KATNIP: variants seen among roughly 807,000 people sequenced by gnomAD.
KATNIP encodes katanin interacting protein.
In KATNIP, 126 loss-of-function variants were observed where a neutral mutation model predicts 174.0. The observed-to-expected ratio is 0.72, with a 90% CI of 0.63 to 0.84. The LOEUF (loss-of-function observed/expected upper bound fraction) is 0.84, where lower values mean the gene tolerates loss of function less well. KATNIP is among the 40% of genes least tolerant of loss of function. KATNIP has a pLI of 0.00. For missense variants in KATNIP, 1,958 were observed against 2,109.7 expected (o/e 0.93, Z 1.41); for synonymous variants, 810 against 835.7 (o/e 0.97, Z 0.53).
chr16:27,620,933 T>C (rs2076176274), intron 3 of KATNIP, among the ~76,000 whole-genome samples: 1 of 152,228 alleles, frequency 6.6e-6, no homozygotes, highest in South Asian at 2.1e-4. Flanking sequence ...TAGTATGTTT[T>C]GGCTGTAAGA....
chr16:27,606,423 G>A (rs1380292551), intron 2 of KATNIP, among the ~76,000 whole-genome samples: 1 of 151,966 alleles, frequency 6.6e-6, no homozygotes, highest in Non-Finnish European at 1.5e-5. Flanking sequence ...ACACCGTCTA[G>A]TATTTGTTCT....
intron 6 of KATNIP, among the ~76,000 whole-genome samples, chr16:27,667,555 T>C (rs1469996036): frequency 1.3e-5 from 2 of 151,992 alleles, no homozygotes; most frequent in Non-Finnish European, 2.9e-5. Context: ...ATGAGAGACA[T>C]TATTGGGGTT....
At chr16:27,584,208 T>C (rs1596802175) in intron 2 of KATNIP, among the ~76,000 whole-genome samples, 1 of 152,038 alleles carries the variant, frequency 6.6e-6, no homozygotes, top group African/African-American at 2.4e-5. Flanking sequence ...CTTCCTGTCA[T>C]TTTCGGAATT....
intron 5 of KATNIP, among the ~76,000 whole-genome samples, chr16:27,638,948 A>G (rs1220457862): frequency 6.6e-6 from 1 of 151,012 alleles, no homozygotes; most frequent in Admixed American, 6.6e-5. Flanking sequence ...GCTGGGATTA[A>G]CAGACGTGAG....
chr16:27,703,982 A>G lies in KATNIP; in HGVS notation c.1373A>G (p.Gln458Arg), dbSNP rs112081103. 6.2e-7 allele frequency: 1 copy of G among 1,614,082 alleles called. No individual in the cohort carries two copies. The highest frequency in any genetic ancestry group is 1.1e-5 in the South Asian group (1 of 91,074). The change falls in exon 12 of 28, where the codon CAA becomes CGA. Residue 458 changes from glutamine to arginine, a missense_variant. By Grantham distance (43) the Gln-to-Arg change is conservative. This residue lies in a region of KATNIP where 1,557 missense variants were observed against 1,617.8 expected (regional missense o/e 0.96). Transcript: ENST00000261588. ...AGGGTGGTTTCACCAACCAAGGAGCAAGTATCAGACACAGAGGTGAGAGCC... is the reference window on the plus strand; with the variant it reads ...AGGGTGGTTTCACCAACCAAGGAGCGAGTATCAGACACAGAGGTGAGAGCC... ...LGRVVSPTKE[Q>R]VSDTEDKQRM...
At chr16:27,754,337 G>C (rs559310934) in intron 18 of KATNIP, 86 bp downstream of exon 18, 1 of 1,157,850 alleles carries the variant, frequency 8.6e-7, no homozygotes, top group Non-Finnish European at 1.3e-6. Flanking sequence ...ACAGGGTTTC[G>C]CTGGACAATC....
chr16:27,647,823 A>T (rs952895941), intron 5 of KATNIP, among the ~76,000 whole-genome samples: 1 of 151,878 alleles, frequency 6.6e-6, no homozygotes, highest in Non-Finnish European at 1.5e-5. Context: ...AATTTTTTAA[A>T]TTTTTTTGTA....
chr16:27,689,911 C>T (rs2078655552), intron 8 of KATNIP, among the ~76,000 whole-genome samples: 2 of 152,130 alleles, frequency 1.3e-5, no homozygotes, highest in South Asian at 4.1e-4. Flanking sequence ...TTCTCTAGCA[C>T]TGGTGATTTC....
At chr16:27,610,798 G>C (rs1158220814) in intron 2 of KATNIP, among the ~76,000 whole-genome samples, 1 of 152,144 alleles carries the variant, frequency 6.6e-6, no homozygotes, top group Non-Finnish European at 1.5e-5. Flanking sequence ...CCTGCCTCCC[G>C]TTCTACTCAA....
At chr16:27,603,924 A>G (rs1214756890) in intron 2 of KATNIP, among the ~76,000 whole-genome samples, 2 of 150,926 alleles carry the variant, frequency 1.3e-5, no homozygotes, top group East Asian at 2.0e-4. Context: ...TTTAGTAGAG[A>G]CTGGGTTTCA....
At chr16:27,689,300 C>G (rs1056494031) in intron 8 of KATNIP, among the ~76,000 whole-genome samples, 1 of 152,082 alleles carries the variant, frequency 6.6e-6, no homozygotes, top group Non-Finnish European at 1.5e-5. Context: ...CCTGTAGTCC[C>G]AGCTACTCAG....
intron 8 of KATNIP, among the ~76,000 whole-genome samples, chr16:27,694,455 C>T (rs564535538): frequency 3.3e-5 from 5 of 152,192 alleles, no homozygotes; most frequent in South Asian, 4.2e-4. Context: ...ACATTAATAC[C>T]AATCTTTGAT....
chr16:27,550,163 C>G lies in KATNIP; in HGVS notation c.-8C>G. 1 of 1,612,508 alleles carries G rather than the reference C, an allele frequency of 6.2e-7. No individual in the cohort carries two copies. ...CGGTTCGAGCTCCCGGAACCGCCGC[C>G]TCTAGGGATGGACGGTGAGTGTCTG... On this transcript the variant is annotated 5_prime_UTR_variant, in exon 1 of 28. Coordinates refer to ENST00000261588, the MANE Select transcript of KATNIP (RefSeq NM_015202.5).
rs958205315 is a variant in KATNIP at position 27,629,117 on chromosome 16, G to A, written c.310+287G>A. ...TGGGAGGCGGAGGTTGCAGTGAGCC[G>A]AAATCGCACCACTGCACTCCAGCAT... On this transcript the variant is annotated intron_variant, in intron 4 of 27. Coordinates refer to ENST00000261588, the MANE Select transcript of KATNIP (RefSeq NM_015202.5). Among the ~76,000 whole-genome samples, 7 of 145,028 alleles carry A rather than the reference G, an allele frequency of 4.8e-5. No individual in the cohort carries two copies. The East Asian group carries it at 8.1e-4, about 17-fold the overall frequency.
At chr16:27,748,833 T>TA (rs1000275636) in intron 15 of KATNIP, among the ~76,000 whole-genome samples, 42 of 152,050 alleles carry the variant, frequency 2.8e-4, no homozygotes, top group Non-Finnish European at 5.7e-4. Context: ...GAAGGGAATT[T>TA]AAAAAAATCA....
chr16:27,774,485 T>C (rs974081538), intron 23 of KATNIP, among the ~76,000 whole-genome samples: 2 of 152,038 alleles, frequency 1.3e-5, no homozygotes, highest in Non-Finnish European at 2.9e-5. Flanking sequence ...GTTCTGCAGA[T>C]CACATTAGCT....
intron 13 of KATNIP, among the ~76,000 whole-genome samples, chr16:27,713,842 A>ATC (rs1334587600): frequency 2.0e-4 from 14 of 71,062 alleles, no homozygotes; most frequent in African/African-American, 6.8e-4. Context: ...ATATATATAT[A>ATC]TATATATATA....
chr16:27,621,625 A>G (rs2076198935), intron 3 of KATNIP, among the ~76,000 whole-genome samples: 1 of 152,064 alleles, frequency 6.6e-6, no homozygotes. Context: ...GGTAATTTAT[A>G]AAGAGAAAGG....
intron 16 of KATNIP, among the ~76,000 whole-genome samples, chr16:27,751,340 A>C (rs1156845074): frequency 6.6e-6 from 1 of 152,064 alleles, no homozygotes; most frequent in Non-Finnish European, 1.5e-5. Flanking sequence ...AGTCATTGGA[A>C]CCAAGGCTTG....
Sources: gnomAD v4.1 joint callset for allele counts (sites outside exome capture counted in the v4.1 genomes callset) on GRCh38, gnomAD v4.1.1 for gene constraint, gnomAD v4.1.1 regional missense constraint, MANE v1.5 for transcripts, NCBI Gene and HGNC (gene_info 2026-07-23, HGNC 2026-07-21) for gene names.